The following MAEA variants were observed in gnomAD, a reference collection of about 807,000 sequenced individuals.
The protein encoded by MAEA is macrophage erythroblast attacher, E3 ubiquitin ligase.
Under a neutral mutation model 46.2 loss-of-function variants are expected in MAEA, and 22 were observed. The observed-to-expected ratio is 0.48, with a 90% CI of 0.34 to 0.68. The LOEUF is 0.68. Ranked by LOEUF, MAEA falls within the 30% of genes least tolerant of loss-of-function variation. The pLI, the probability that MAEA is intolerant of heterozygous loss-of-function variation, is 0.01. For missense variants in MAEA, 393 were observed against 558.1 expected, an observed-to-expected ratio of 0.70 and a Z score of 2.98; for synonymous variants, 246 against 222.6, an observed-to-expected ratio of 1.11 and a Z score of -0.94.
intron 5 of MAEA, chr4:1,330,705 CCT>C (rs1219152268): frequency 6.6e-6 from 1 of 152,168 alleles, no homozygotes; most frequent in East Asian, 1.9e-4. Flanking sequence ...TTTTGTTTCC[CCT>C]GTGTCCTGTG....
At chr4:1,307,474 CAGTG>C (rs1179191352) in intron 1 of MAEA, among the ~76,000 whole-genome samples, 4 of 152,248 alleles carry the variant, frequency 2.6e-5, no homozygotes, top group Non-Finnish European at 5.9e-5. Flanking sequence ...ACCCATGTTA[CAGTG>C]AGTGAGAGGA....
At chr4:1,335,642 C>T (rs899843503) in intron 6 of MAEA, 1 of 943,152 alleles carries the variant, frequency 1.1e-6, no homozygotes, top group African/African-American at 2.2e-5. Context: ...CTGGCCCCCA[C>T]AGTGTGTTGA....
intron 4 of MAEA, among the ~76,000 whole-genome samples, chr4:1,326,402 A>G (rs1303323878): frequency 6.6e-6 from 1 of 152,226 alleles, no homozygotes; most frequent in Non-Finnish European, 1.5e-5. Flanking sequence ...ACCACACGGA[A>G]GATCTTACGG....
chr4:1,294,744 A>T (rs1216938439), intron 1 of MAEA, among the ~76,000 whole-genome samples: 3 of 142,608 alleles, frequency 2.1e-5, no homozygotes, highest in Non-Finnish European at 4.5e-5. Context: ...GACATCTCAG[A>T]TCCTTTAAAG....
intron 1 of MAEA, among the ~76,000 whole-genome samples, chr4:1,309,091 C>T (rs1375687348): frequency 1.3e-5 from 2 of 152,192 alleles, no homozygotes; most frequent in African/African-American, 4.8e-5. Context: ...CCCCTCTCTG[C>T]ATTGCTGTTT....
intron 3 of MAEA, among the ~76,000 whole-genome samples, chr4:1,316,114 G>A (rs1385996855): frequency 1.3e-5 from 2 of 152,074 alleles, no homozygotes; most frequent in South Asian, 2.1e-4. Context: ...CGGGTTTTGC[G>A]CTGACACATG....
intron 4 of MAEA, among the ~76,000 whole-genome samples, chr4:1,326,751 G>T (rs1434717523): frequency 6.6e-6 from 1 of 152,084 alleles, no homozygotes; most frequent in Non-Finnish European, 1.5e-5. Flanking sequence ...CAGCCACCTA[G>T]GACCTCAGTG....
At chr4:1,304,168 T>C (rs1488506416) in intron 1 of MAEA, among the ~76,000 whole-genome samples, 1 of 152,228 alleles carries the variant, frequency 6.6e-6, no homozygotes, top group African/African-American at 2.4e-5. Context: ...ATGTGGCTGT[T>C]GAGCACTTGA....
chr4:1,329,488 A>G (rs1739265648), intron 5 of MAEA: 1 of 984,972 alleles, frequency 1.0e-6, no homozygotes, highest in South Asian at 4.7e-5. Context: ...TCCTCCCGCA[A>G]GCAGACACGT....
chr4:1,339,151 G>T lies in MAEA; in HGVS notation c.1173G>T (p.Glu391Asp). ...AAGTCTTCCACTTCTCACAAGCCGA[G>T]AAGGTGTACATCATGTAGGCCCCAC... is the stretch of plus-strand genomic sequence containing the variant. ...TKEVFHFSQA[E>D]KVYIM Residue 391 changes from glutamate to aspartate, a missense_variant, in exon 9 of 9, where the codon GAG becomes GAT. Glu to Asp is a conservative substitution (Grantham distance 45). This residue lies in a region of MAEA where 358 missense variants were observed against 537.9 expected (regional missense o/e 0.67). Coordinates refer to ENST00000303400, the MANE Select transcript of MAEA (RefSeq NM_001017405.3). 4 of 1,613,988 alleles carry T rather than the reference G, an allele frequency of 2.5e-6. No homozygotes were observed. The highest frequency in any genetic ancestry group is 3.4e-6 in the Non-Finnish European group (4 of 1,179,992).
In MAEA at chr4:1,322,256, G is replaced by A; in HGVS notation, c.457-125G>A. 3 of 1,310,758 alleles carry A rather than the reference G, an allele frequency of 2.3e-6. No individual in the cohort carries two copies. In the South Asian group the frequency reaches 4.0e-5, roughly 17 times the overall value. 81.2% of individuals were successfully genotyped at this position (1,310,758 alleles called of 1,614,324 possible). A position where few individuals can be genotyped will look rare whatever the true frequency, so the allele number is the denominator to read the frequency against. On this transcript the variant is annotated intron_variant, in intron 3 of 8. Coordinates refer to ENST00000303400, the MANE Select transcript of MAEA (RefSeq NM_001017405.3). The stretch of plus-strand genomic sequence containing the variant: ...TCCACGAGTGCAGACCCACAGTGTG[G>A]ACTGGAGATGCATCTCGAGTGGTGG...
At chr4:1,318,949 T>C (rs1737660764) in intron 3 of MAEA, among the ~76,000 whole-genome samples, 1 of 114,566 alleles carries the variant, frequency 8.7e-6, no homozygotes, top group South Asian at 2.3e-4. Context: ...AGGAAGCTGC[T>C]GCCCAGGGAA....
intron 1 of MAEA, among the ~76,000 whole-genome samples, chr4:1,298,429 C>T (rs866791588): frequency 7.2e-5 from 11 of 152,078 alleles, no homozygotes; most frequent in South Asian, 2.1e-4. Context: ...AAGAGGCACA[C>T]GCGCCGTCTT....
chr4:1,338,858 C>T (rs1027387900), intron 8 of MAEA: 24 of 647,958 alleles, frequency 3.7e-5, no homozygotes, highest in Middle Eastern at 3.6e-4. Context: ...GCTGTCCTCT[C>T]GCCCCACCCT....
At chr4:1,323,648 C>CA (rs1738429401) in intron 4 of MAEA, 1 of 701,570 alleles carries the variant, frequency 1.4e-6, no homozygotes, top group South Asian at 1.5e-5. Context: ...GCCAGCCCCA[C>CA]ACTCCCTCCC....
At chr4:1,325,949 G>A (rs1295850709) in intron 4 of MAEA, among the ~76,000 whole-genome samples, 3 of 152,184 alleles carry the variant, frequency 2.0e-5, no homozygotes, top group East Asian at 1.9e-4. Context: ...CTGTTGACCC[G>A]TCTGTCTAGG....
intron 5 of MAEA, chr4:1,328,671 T>G: frequency 7.8e-7 from 1 of 1,279,514 alleles, no homozygotes; most frequent in Non-Finnish European, 1.0e-6. Flanking sequence ...AAGGCCCATT[T>G]GGAGAAGTGG....
chr4:1,310,340 G>C (rs899418751), intron 1 of MAEA, among the ~76,000 whole-genome samples: 3 of 152,208 alleles, frequency 2.0e-5, no homozygotes, highest in African/African-American at 7.2e-5. Context: ...ACTAGATGTA[G>C]AGCAGACGAA....
At chr4:1,316,742 A>T (rs1737225389) in intron 3 of MAEA, among the ~76,000 whole-genome samples, 1 of 152,060 alleles carries the variant, frequency 6.6e-6, no homozygotes, top group South Asian at 2.1e-4. Context: ...ACCCCAGCAC[A>T]AGGCTCCCTT....
Sources: allele counts gnomAD v4.1 joint callset (sites outside exome capture counted in the v4.1 genomes callset), GRCh38; gene constraint gnomAD v4.1.1; regional missense constraint gnomAD v4.1.1; transcripts MANE v1.5; gene names NCBI Gene and HGNC (gene_info 2026-07-23, HGNC 2026-07-21).